Variants in OR52I2 observed in about 807,000 individuals in gnomAD.
OR52I2 encodes olfactory receptor family 52 subfamily I member 2.
For synonymous variants in OR52I2, 147 were observed against 151.9 expected (o/e 0.97, Z 0.24); for missense variants, 350 against 402.4 (o/e 0.87, Z 1.11).
exon 2 of OR52I2, chr11:4,590,536 G>A (rs988557388): frequency 1.3e-5 from 2 of 152,224 alleles, no homozygotes; most frequent in African/African-American, 2.4e-5. Flanking sequence ...TGAAAGGTAT[G>A]CCCAATTAGA....
exon 2 of OR52I2, chr11:4,590,935 C>T (rs1314557208): frequency 6.6e-6 from 1 of 152,140 alleles, no homozygotes; most frequent in Admixed American, 6.5e-5. Flanking sequence ...ATTTCTTAAG[C>T]TCAGGGATTT....
chr11:4,589,369 T>C (rs1218158794), exon 2 of OR52I2: 1 of 152,206 alleles, frequency 6.6e-6, no homozygotes, highest in East Asian at 1.9e-4. Context: ...CCCTCTTCTT[T>C]TGCGTGAAAG....
exon 2 of OR52I2, chr11:4,593,015 A>C (rs1846364139): frequency 6.6e-6 from 1 of 152,248 alleles, no homozygotes; most frequent in Non-Finnish European, 1.5e-5. Context: ...TATTTAATCT[A>C]AGTTATACAA....
chr11:4,586,652 G>A, intron 1 of OR52I2: 1 of 642,670 alleles, frequency 1.6e-6, no homozygotes, highest in East Asian at 2.7e-5. Context: ...CTTTCCAAAG[G>A]AGGTAAGCCA....
In OR52I2 at chr11:4,587,748, G is replaced by T. The variant is rs534229185; in HGVS notation, c.858G>T (p.Val286=). The T allele has an allele frequency of 5.6e-6, 9 of 1,614,144 alleles. No individual in the cohort carries two copies. In the South Asian group the frequency reaches 7.7e-5, roughly 14 times the overall value. ...AAGTCCTGCTAGCTGACCTGTACGT[G>T]ATCATCCCAGCCACCTTAAATCCCA... The change falls in exon 2 of 2, where the codon GTG becomes GTT. Residue 286 remains valine (V), a synonymous_variant. Coordinates refer to ENST00000641896, the Ensembl canonical transcript of OR52I2.
chr11:4,588,245 G>A (rs1846324140), exon 2 of OR52I2: 2 of 205,944 alleles, frequency 9.7e-6, no homozygotes, highest in Admixed American at 5.2e-5. Flanking sequence ...GAACAGCTAT[G>A]TGTCCACTTA....
At chr11:4,584,482 A>C (rs1043745259) in intron 1 of OR52I2, among the ~76,000 whole-genome samples, 2 of 152,210 alleles carry the variant, frequency 1.3e-5, no homozygotes, top group Non-Finnish European at 2.9e-5. Flanking sequence ...GTAGCAATTT[A>C]GCCTGAAAAA....
intron 1 of OR52I2, among the ~76,000 whole-genome samples, chr11:4,584,288 T>A (rs895172347): frequency 2.0e-5 from 3 of 152,170 alleles, no homozygotes; most frequent in African/African-American, 7.2e-5. Flanking sequence ...ATTGATGTGG[T>A]GAACTACTAG....
chr11:4,592,810 A>C (rs1361692676), exon 2 of OR52I2: 1 of 152,196 alleles, frequency 6.6e-6, no homozygotes, highest in Non-Finnish European at 1.5e-5. Context: ...GAGATGAACA[A>C]GTGGTAGAGC....
chr11:4,585,908 T>C (rs555624259), intron 1 of OR52I2, among the ~76,000 whole-genome samples: 181 of 152,356 alleles, frequency 1.2e-3, no homozygotes, highest in Non-Finnish European at 2.3e-3. Context: ...CTTTTTAACA[T>C]AGTACTAGCA....
At chr11:4,587,320 G>A (rs1371035860) in exon 2 of OR52I2, 9 of 1,613,152 alleles carry the variant, frequency 5.6e-6, no homozygotes, top group Non-Finnish European at 7.6e-6. Flanking sequence ...CACGCCTCAA[G>A]TGATGCTGGG....
intron 1 of OR52I2, 95 bp from the exon 2 acceptor site, chr11:4,586,777 C>G: frequency 6.4e-7 from 1 of 1,571,724 alleles, no homozygotes; most frequent in Non-Finnish European, 8.7e-7. Context: ...AGATTACCAC[C>G]AAGCTGAGAA....
intron 1 of OR52I2, among the ~76,000 whole-genome samples, chr11:4,586,224 C>T (rs887006524): frequency 6.6e-6 from 1 of 152,094 alleles, no homozygotes; most frequent in Non-Finnish European, 1.5e-5. Flanking sequence ...TTTTTCCCAA[C>T]TCATTCATGT....
At chr11:4,582,945 T>C (rs772685465) in intron 1 of OR52I2, among the ~76,000 whole-genome samples, 2 of 152,172 alleles carry the variant, frequency 1.3e-5, no homozygotes, top group African/African-American at 2.4e-5. Flanking sequence ...TGTGTTCACA[T>C]TGTAATTATT....
chr11:4,582,791 C>T (rs951561835), intron 1 of OR52I2, among the ~76,000 whole-genome samples: 1 of 152,002 alleles, frequency 6.6e-6, no homozygotes, highest in Non-Finnish European at 1.5e-5. Flanking sequence ...GTGAATGTTT[C>T]CACAGGATTA....
chr11:4,587,166 A>G, exon 2 of OR52I2: 1 of 1,614,142 alleles, frequency 6.2e-7, no homozygotes, highest in Non-Finnish European at 8.5e-7. Context: ...TCTGCTCAGG[A>G]GACAGCTCAA....
exon 2 of OR52I2, chr11:4,591,655 C>A (rs890215318): frequency 6.6e-5 from 10 of 152,056 alleles, no homozygotes; most frequent in African/African-American, 2.4e-4. Context: ...TATCTGAGAA[C>A]AATAGAAAAA....
chr11:4,591,721 C>T (rs2133190372), exon 2 of OR52I2: 1 of 152,316 alleles, frequency 6.6e-6, no homozygotes, highest in East Asian at 1.9e-4. Context: ...CACCTCCACT[C>T]TATCCTTAAT....
At chr11:4,587,947 T>A (rs1291982684) in exon 2 of OR52I2, 1 of 1,125,290 alleles carries the variant, frequency 8.9e-7, no homozygotes, top group Non-Finnish European at 1.3e-6. Context: ...GCTACAGGAA[T>A]TCTAAGATGA....
Sources: allele counts gnomAD v4.1 joint callset (sites outside exome capture counted in the v4.1 genomes callset), GRCh38; gene constraint gnomAD v4.1.1; transcripts MANE v1.5; gene names NCBI Gene and HGNC (gene_info 2026-07-23, HGNC 2026-07-21).